SCARA5: variants seen among roughly 807,000 people sequenced by gnomAD.
SCARA5 encodes scavenger receptor class A member 5, also known as scavenger receptor class A, member 5 (putative).
A neutral mutation model predicts 46.3 loss-of-function variants in SCARA5; 45 were observed. That is an observed-to-expected ratio of 0.97 (90% CI 0.76 to 1.24). SCARA5 has a LOEUF of 1.24. Ranked by LOEUF, SCARA5 falls within the 50% of genes most tolerant of loss-of-function variation. The pLI is 0.00. For synonymous variants in SCARA5, 333 were observed against 306.5 expected, an observed-to-expected ratio of 1.09 and a Z score of -0.90; for missense variants, 680 against 689.0, an observed-to-expected ratio of 0.99 and a Z score of 0.15.
rs550763354 is a variant in SCARA5, at chr8:27,883,392, C to T, written c.1154-3626G>A. ...ATGTGTCTTCCCACATCCTTTTCAC[C>T]ATCCTGCCCGCCCCACTACTCTTGG... On this transcript the variant is annotated intron_variant, in intron 7 of 8. Transcript: ENST00000354914. Among the ~76,000 whole-genome samples the T allele has an allele frequency of 5.5e-4, 84 of 152,294 alleles. No individual in the cohort carries two copies. In the South Asian group the frequency reaches 0.015, roughly 27 times the overall value.
At chr8:27,891,445 C>G (rs1056823905) in intron 7 of SCARA5, among the ~76,000 whole-genome samples, 2 of 152,146 alleles carry the variant, frequency 1.3e-5, no homozygotes, top group Admixed American at 1.3e-4. Context: ...ACCTCGTGAT[C>G]TGCCCGCTTC....
In SCARA5 at chr8:27,980,989, T is replaced by C. The variant is rs116401441; in HGVS notation, c.112+6515A>G. Among the ~76,000 whole-genome samples, 390 of 152,244 alleles carry C rather than the reference T, an allele frequency of 2.6e-3. 3 individuals are homozygous for C. Among genetic ancestry groups the C allele is most frequent in the African/African-American group, 8.9e-3 (369 of 41,536 alleles). ...GTCCCTGGGTGGCAGCAGCTCCTTC[T>C]ACCTCCTCATCTCTCCCTCTCCTTC... On this transcript the variant is annotated intron_variant, in intron 2 of 8. Transcript: ENST00000354914.
At chr8:27,933,301 C>T (rs1301014722) in intron 3 of SCARA5, among the ~76,000 whole-genome samples, 4 of 151,852 alleles carry the variant, frequency 2.6e-5, no homozygotes, top group African/African-American at 9.7e-5. Context: ...GCGGGTGAAC[C>T]ACCTAAGGTC....
intron 3 of SCARA5, among the ~76,000 whole-genome samples, chr8:27,952,545 C>T (rs1288862496): frequency 6.6e-6 from 1 of 152,200 alleles, no homozygotes; most frequent in Non-Finnish European, 1.5e-5. Flanking sequence ...TAGCCCTGTA[C>T]TCTTCACTCC....
intron 2 of SCARA5, 110 bp from the exon 3 acceptor site, chr8:27,966,652 ACTT>A (rs1808374583): frequency 1.7e-6 from 2 of 1,173,348 alleles, no homozygotes; most frequent in South Asian, 3.3e-5. Flanking sequence ...TTCATGTTGA[ACTT>A]CTCACATCCC....
At chr8:27,989,493 A>G (rs1047621922) in intron 1 of SCARA5, among the ~76,000 whole-genome samples, 7 of 152,138 alleles carry the variant, frequency 4.6e-5, no homozygotes, top group African/African-American at 1.7e-4. Flanking sequence ...CTGAGAAGAG[A>G]CCAGAACTGA....
intron 3 of SCARA5, among the ~76,000 whole-genome samples, chr8:27,961,976 T>A (rs1170724051): frequency 6.6e-6 from 1 of 152,186 alleles, no homozygotes; most frequent in Non-Finnish European, 1.5e-5. Flanking sequence ...AGGCAGAAAT[T>A]TTTGTAAAGA....
At chr8:27,899,145 G>A (rs923710567) in intron 7 of SCARA5, among the ~76,000 whole-genome samples, 2 of 152,236 alleles carry the variant, frequency 1.3e-5, no homozygotes, top group East Asian at 1.9e-4. Context: ...ATATGTTCTG[G>A]AAGCTTGGAT....
intron 8 of SCARA5, among the ~76,000 whole-genome samples, chr8:27,876,373 A>G (rs1806724076): frequency 1.3e-5 from 2 of 152,174 alleles, no homozygotes; most frequent in Admixed American, 1.3e-4. Flanking sequence ...GGAGGACAGC[A>G]AGAACGACGA....
intron 7 of SCARA5, among the ~76,000 whole-genome samples, chr8:27,891,177 T>C (rs1477657536): frequency 6.6e-6 from 1 of 151,190 alleles, no homozygotes; most frequent in Admixed American, 6.6e-5. Context: ...TGTATAGATG[T>C]GAACAGAACT....
chr8:27,978,765 C>T (rs1202988274), intron 2 of SCARA5, among the ~76,000 whole-genome samples: 1 of 152,138 alleles, frequency 6.6e-6, no homozygotes, highest in Admixed American at 6.5e-5. Flanking sequence ...CCCATCTCGG[C>T]CTCCCAAAGC....
chr8:27,979,650 T>A (rs1808584660), intron 2 of SCARA5, among the ~76,000 whole-genome samples: 1 of 151,054 alleles, frequency 6.6e-6, no homozygotes, highest in Non-Finnish European at 1.5e-5. Flanking sequence ...GCCTCCCAGG[T>A]TCAAGCAATT....
chr8:27,900,483 T>A (rs1198916163), intron 7 of SCARA5, among the ~76,000 whole-genome samples: 1 of 152,200 alleles, frequency 6.6e-6, no homozygotes, highest in African/African-American at 2.4e-5. Flanking sequence ...ACTGAAAACA[T>A]GTACGAAGTG....
intron 4 of SCARA5, among the ~76,000 whole-genome samples, chr8:27,913,638 TGG>T (rs1807414113): frequency 1.3e-5 from 2 of 152,238 alleles, no homozygotes; most frequent in African/African-American, 2.4e-5. Context: ...GGCCTGGCTC[TGG>T]CCTTTATAAG....
In SCARA5 at chr8:27,922,140, G is replaced by A. The variant is rs769444763; in HGVS notation, c.347C>T (p.Pro116Leu). Residue 116 changes from proline to leucine, a missense_variant, in exon 4 of 9, where the codon CCG (proline) becomes CTG (leucine). Around this residue, in one of 3 missense-constraint regions of SCARA5, gnomAD observed 438 missense variants for 384.5 expected, o/e 1.14. Coordinates refer to ENST00000354914, the MANE Select transcript of SCARA5 (RefSeq NM_173833.6). ...RDLQLRLLQAPLQADLTEQVW... is the reference protein window; with the variant it reads ...RDLQLRLLQALLQADLTEQVW... Reference sequence around the variant, plus strand: ...CTGCTCCGTCAGGTCCGCTTGCAGCGGAGCCTGCAGCAGCCGCAGCTGCAA... The same window carrying A: ...CTGCTCCGTCAGGTCCGCTTGCAGCAGAGCCTGCAGCAGCCGCAGCTGCAA... 12 of 1,607,148 alleles carry A rather than the reference G, an allele frequency of 7.5e-6. No individual in the cohort carries two copies. The highest frequency in any genetic ancestry group is 1.6e-4 in the Middle Eastern group (1 of 6,072).
At chr8:27,892,389 G>T (rs570744886) in intron 7 of SCARA5, among the ~76,000 whole-genome samples, 1 of 152,188 alleles carries the variant, frequency 6.6e-6, no homozygotes, top group Non-Finnish European at 1.5e-5. Context: ...AAAGCCTGAA[G>T]AGGGCACCTG....
At chr8:27,946,920 C>G (rs965092630) in intron 3 of SCARA5, among the ~76,000 whole-genome samples, 1 of 142,828 alleles carries the variant, frequency 7.0e-6, no homozygotes, top group Non-Finnish European at 1.6e-5. Flanking sequence ...ATTCATGATC[C>G]CCTTAGCTTT....
intron 2 of SCARA5, among the ~76,000 whole-genome samples, chr8:27,968,462 A>G (rs952369843): frequency 6.6e-6 from 1 of 152,148 alleles, no homozygotes; most frequent in South Asian, 2.1e-4. Context: ...ATCCTTTACC[A>G]TACACTAGGC....
chr8:27,969,996 G>A (rs189750723), intron 2 of SCARA5, among the ~76,000 whole-genome samples: 2 of 152,180 alleles, frequency 1.3e-5, no homozygotes, highest in South Asian at 2.1e-4. Flanking sequence ...CCCCTTCCAC[G>A]TTGTACCAGG....
Sources: gnomAD v4.1 joint callset for allele counts (sites outside exome capture counted in the v4.1 genomes callset) on GRCh38, gnomAD v4.1.1 for gene constraint, gnomAD v4.1.1 regional missense constraint, MANE v1.5 for transcripts, NCBI Gene and HGNC (gene_info 2026-07-23, HGNC 2026-07-21) for gene names.